The following CSRNP3 variants were observed in gnomAD, a reference collection of about 807,000 sequenced individuals.
The protein encoded by CSRNP3 is cysteine and serine rich nuclear protein 3, also known as cysteine/serine-rich nuclear protein 3.
In CSRNP3, 12 loss-of-function variants were observed where a neutral mutation model predicts 48.0. That is an observed-to-expected ratio of 0.25 (90% CI 0.16 to 0.41). The LOEUF is 0.41. Among genes scored for constraint, CSRNP3 ranks in the 10% least tolerant of loss-of-function variants. CSRNP3 has a pLI of 1.00. For missense variants in CSRNP3, 580 were observed against 724.4 expected (o/e 0.80, Z 2.29); for synonymous variants, 263 against 269.7 (o/e 0.98, Z 0.24).
chr2:165,526,920 A>G (rs1684739118), intron 3 of CSRNP3, among the ~76,000 whole-genome samples: 1 of 152,242 alleles, frequency 6.6e-6, no homozygotes, highest in Non-Finnish European at 1.5e-5. Context: ...AATTCCAAAT[A>G]TAAAAAAAGA....
At chr2:165,676,730 G>C in intron 6 of CSRNP3, 122 bp downstream of exon 6, 1 of 717,114 alleles carries the variant, frequency 1.4e-6, no homozygotes, top group Non-Finnish European at 2.3e-6. Flanking sequence ...GGCAAGGCAA[G>C]ACATGTAATT....
At chr2:165,597,116 T>G (rs921587865) in intron 4 of CSRNP3, among the ~76,000 whole-genome samples, 4 of 152,326 alleles carry the variant, frequency 2.6e-5, no homozygotes, top group African/African-American at 7.2e-5. Context: ...ATTGGACATA[T>G]CTTTAAAATG....
intron 4 of CSRNP3, among the ~76,000 whole-genome samples, chr2:165,626,299 A>T (rs1011934382): frequency 1.3e-5 from 2 of 152,180 alleles, no homozygotes; most frequent in Middle Eastern, 3.2e-3. Context: ...GTAAGGTGAA[A>T]CTTAAGCAGA....
At chr2:165,611,826 T>C (rs2105310599) in intron 4 of CSRNP3, among the ~76,000 whole-genome samples, 1 of 152,276 alleles carries the variant, frequency 6.6e-6, no homozygotes, top group Non-Finnish European at 1.5e-5. Flanking sequence ...ATAATGCCTG[T>C]CTGTAGACGC....
chr2:165,493,175 G>A (rs964107921), intron 1 of CSRNP3, among the ~76,000 whole-genome samples: 3 of 151,880 alleles, frequency 2.0e-5, no homozygotes, highest in Non-Finnish European at 4.4e-5. Flanking sequence ...GTGGCACAAG[G>A]AGGGTGGTCA....
rs144165765 is a variant in CSRNP3, at chr2:165,507,876, TC to T, written c.-112-9995del. Among the ~76,000 whole-genome samples, 303 of 152,238 alleles carry T rather than the reference TC, an allele frequency of 2.0e-3. 5 individuals carry two copies. In the East Asian group the frequency reaches 0.038, roughly 19 times the overall value. On this transcript the variant is annotated intron_variant, in intron 2 of 6. Transcript: ENST00000651982. The stretch of plus-strand genomic sequence containing the variant: ...TATTGTTAGAAAGCCTGTGGTTTGT[TC>T]CACATTTTTTAAGAGAATAAAACTT...
intron 2 of CSRNP3, among the ~76,000 whole-genome samples, chr2:165,515,058 G>A (rs1436665275): frequency 6.6e-6 from 1 of 152,090 alleles, no homozygotes; most frequent in Non-Finnish European, 1.5e-5. Context: ...TGTGGCTCAC[G>A]CCTGTAATCC....
Position 165,679,156 on chromosome 2 carries a change from T to A in CSRNP3, c.1161T>A (p.Asp387Glu). Residue 387 changes from aspartate (D) to glutamate (E), a missense_variant, in exon 7 of 7, where the codon GAT (aspartate) becomes GAA (glutamate). This residue lies in a region of CSRNP3 where 369 missense variants were observed against 380.8 expected (regional missense o/e 0.97). Coordinates refer to ENST00000651982, the MANE Select transcript of CSRNP3 (RefSeq NM_001172173.2). Reference sequence around the variant, plus strand: ...AAGAGGAGGAGGAGGATGACGATGATGACAAAGGAGATGGCTTCGTGGAAG... The same window carrying A: ...AAGAGGAGGAGGAGGATGACGATGAAGACAAAGGAGATGGCTTCGTGGAAG... ...EEEEEEEDDD[D>E]DKGDGFVEGL... is the part of the protein sequence containing the mutation. 6.2e-7 allele frequency: 1 copy of A among 1,613,826 alleles called. No individual in the cohort carries two copies. The highest frequency in any genetic ancestry group is 8.5e-7 in the Non-Finnish European group (1 of 1,179,954).
At chr2:165,531,986 A>T (rs1425262822) in intron 3 of CSRNP3, among the ~76,000 whole-genome samples, 1 of 152,210 alleles carries the variant, frequency 6.6e-6, no homozygotes, top group African/African-American at 2.4e-5. Flanking sequence ...CTCGACACAT[A>T]CATCCTCCCA....
intron 3 of CSRNP3, among the ~76,000 whole-genome samples, chr2:165,541,539 G>A (rs1008825690): frequency 6.6e-6 from 1 of 152,022 alleles, no homozygotes; most frequent in Non-Finnish European, 1.5e-5. Flanking sequence ...TTATAGCACA[G>A]GTTCTTCTCT....
intron 3 of CSRNP3, among the ~76,000 whole-genome samples, chr2:165,519,373 A>G (rs1418751861): frequency 6.6e-6 from 1 of 152,094 alleles, no homozygotes; most frequent in East Asian, 1.9e-4. Flanking sequence ...TTTGAAAGGG[A>G]TTGAATGCTA....
chr2:165,614,613 T>C (rs1573919899), intron 4 of CSRNP3, among the ~76,000 whole-genome samples: 1 of 152,212 alleles, frequency 6.6e-6, no homozygotes, highest in African/African-American at 2.4e-5. Flanking sequence ...CTATATCTAA[T>C]TTCTTGACAG....
intron 4 of CSRNP3, among the ~76,000 whole-genome samples, chr2:165,632,985 A>G (rs963758012): frequency 2.6e-5 from 4 of 152,184 alleles, no homozygotes; most frequent in African/African-American, 9.7e-5. Flanking sequence ...TTTTGATATA[A>G]TCTGTAATAT....
intron 3 of CSRNP3, among the ~76,000 whole-genome samples, chr2:165,551,906 A>G (rs1299858149): frequency 6.6e-6 from 1 of 152,278 alleles, no homozygotes. Flanking sequence ...CAAAACAAAT[A>G]CATAAATTCA....
At chr2:165,473,749 A>G (rs1165250926) in intron 1 of CSRNP3, among the ~76,000 whole-genome samples, 1 of 152,160 alleles carries the variant, frequency 6.6e-6, no homozygotes, top group Non-Finnish European at 1.5e-5. Flanking sequence ...AGTTGGGCAG[A>G]TCATTTGATT....
chr2:165,499,431 A>T (rs1278203248), intron 2 of CSRNP3, among the ~76,000 whole-genome samples: 2 of 152,176 alleles, frequency 1.3e-5, no homozygotes, highest in Admixed American at 1.3e-4. Context: ...AGAGAGAGAC[A>T]GTTGGTGCGA....
At chr2:165,500,042 CAAAA>C (rs112476718) in intron 2 of CSRNP3, among the ~76,000 whole-genome samples, 1 of 120,112 alleles carries the variant, frequency 8.3e-6, no homozygotes. Flanking sequence ...TTAGCATCAC[CAAAA>C]AAAAAAAAAA....
intron 2 of CSRNP3, among the ~76,000 whole-genome samples, chr2:165,499,078 C>T (rs1684323779): frequency 6.6e-6 from 1 of 152,080 alleles, no homozygotes; most frequent in South Asian, 2.1e-4. Flanking sequence ...TAGCAGTGGT[C>T]ACAGGCAATA....
At chr2:165,490,918 C>G (rs200545730) in intron 1 of CSRNP3, among the ~76,000 whole-genome samples, 1,265 of 112,172 alleles carry the variant, frequency 0.011, 6 homozygotes, top group African/African-American at 0.036. Context: ...AACACCAAAA[C>G]CAATGGCAAC....
Sources: gnomAD v4.1 joint callset for allele counts (sites outside exome capture counted in the v4.1 genomes callset) on GRCh38, gnomAD v4.1.1 for gene constraint, gnomAD v4.1.1 regional missense constraint, MANE v1.5 for transcripts, NCBI Gene and HGNC (gene_info 2026-07-23, HGNC 2026-07-21) for gene names.